The following CLSPN variants were observed in gnomAD, a reference collection of about 807,000 sequenced individuals.
CLSPN encodes the protein claspin.
CLSPN carries 85 observed loss-of-function variants against 156.3 expected under a neutral mutation model. The ratio of observed to expected loss-of-function variants is 0.54; its 90% CI spans 0.46 to 0.65. The LOEUF (loss-of-function observed/expected upper bound fraction) is 0.65. Among genes scored for constraint, CLSPN ranks in the 30% least tolerant of loss-of-function variants. The pLI is 0.00. For missense variants in CLSPN, 1,407 were observed against 1,554.9 expected (o/e 0.90, Z 1.60); for synonymous variants, 534 against 542.4 (o/e 0.98, Z 0.22).
chr1:35,743,384 G>A (rs1196806218), intron 17 of CLSPN, 71 bp downstream of exon 17: 3 of 1,437,910 alleles, frequency 2.1e-6, no homozygotes, highest in Non-Finnish European at 2.9e-6. Flanking sequence ...CAAGAACTGA[G>A]GGGAAAAAAA....
intron 8 of CLSPN, among the ~76,000 whole-genome samples, chr1:35,755,500 T>C (rs879389427): frequency 7.2e-5 from 11 of 152,240 alleles, no homozygotes; most frequent in Admixed American, 7.2e-4. Flanking sequence ...CTTGAACTCC[T>C]GATCTCAGAT....
rs1248052899 is a variant in CLSPN, at chr1:35,769,905, A to G, written c.-35T>C. ...CTCCCCTGCGCTCCACTAGGGACGG[A>G]GCTGTCTCTGATTCCCTCAGCCGGA... is the stretch of plus-strand genomic sequence containing the variant. On this transcript the variant is annotated 5_prime_UTR_variant, in exon 1 of 25. Coordinates refer to ENST00000318121, the MANE Select transcript of CLSPN (RefSeq NM_022111.4). 5.6e-6 allele frequency: 9 copies of G among 1,606,712 alleles called. No homozygotes were observed. The highest frequency in any genetic ancestry group is 7.7e-6 in the Non-Finnish European group (9 of 1,176,322).
chr1:35,727,647 G>C (rs1641225530), downstream of CLSPN, among the ~76,000 whole-genome samples: 2 of 152,318 alleles, frequency 1.3e-5, no homozygotes, highest in South Asian at 2.1e-4. Context: ...GAAACGGTGA[G>C]GGGGGCCTTA....
chr1:35,737,754 C>A, intron 22 of CLSPN: 1 of 451,690 alleles, frequency 2.2e-6, no homozygotes. Flanking sequence ...ATTAACTACT[C>A]TGAGCCTTAG....
intron 6 of CLSPN, 95 bp from the exon 7 acceptor site, chr1:35,761,299 A>G: frequency 1.3e-6 from 1 of 780,404 alleles, no homozygotes. Context: ...CAAAGCCATC[A>G]CTAGAAATAG....
chr1:35,743,092 A>T (rs1259410916), intron 18 of CLSPN, 49 bp downstream of exon 18: 17 of 1,479,608 alleles, frequency 1.1e-5, no homozygotes, highest in Non-Finnish European at 1.6e-5. Flanking sequence ...TGGCCTAGTG[A>T]CCAAATTTTA....
At chr1:35,726,562 C>T (rs1454202328) in intron 24 of CLSPN, among the ~76,000 whole-genome samples, 1 of 152,146 alleles carries the variant, frequency 6.6e-6, no homozygotes, top group African/African-American at 2.4e-5. Context: ...TGTCATGTCA[C>T]CAGGGCCAGA....
Position 35,753,834 on chromosome 1 carries a change from C to A in CLSPN, c.1682G>T (p.Gly561Val). 6.2e-7 allele frequency: 1 copy of A among 1,614,136 alleles called. No individual in the cohort carries two copies. Residue 561 changes from glycine to valine, a missense_variant, in exon 9 of 25, where the codon GGC becomes GTC. Physicochemically the swap from Gly to Val is moderately radical, Grantham distance 109. Around this residue, in one of 3 missense-constraint regions of CLSPN, gnomAD observed 1,096 missense variants for 1,193.0 expected, o/e 0.92. Coordinates refer to ENST00000318121, the MANE Select transcript of CLSPN (RefSeq NM_022111.4). ...VNVNVIVKDM[G>V]TDGKEELKAD... ...TTTTAGCTCTTCCTTTCCATCAGTG[C>A]CCATGTCTTTCACTATGACGTTCAC...
At chr1:35,737,112 G>T (rs374015875) in intron 23 of CLSPN, 37 bp from the exon 24 acceptor site, 2 of 1,599,606 alleles carry the variant, frequency 1.3e-6, no homozygotes, top group Non-Finnish European at 1.7e-6. Flanking sequence ...CAAATCCCAA[G>T]TGCCAACTAA....
chr1:35,720,376 T>C (rs1641044377), exon 25 of CLSPN: 2 of 151,664 alleles, frequency 1.3e-5, no homozygotes, highest in African/African-American at 4.9e-5. Context: ...GTGGCCTAAG[T>C]CTTCTCCCTT....
chr1:35,735,011 C>G lies in CLSPN; in HGVS notation c.*1485G>C. 1 of 985,392 alleles carries G rather than the reference C, an allele frequency of 1.0e-6. No individual in the cohort carries two copies. The highest frequency in any genetic ancestry group is 1.2e-6 in the Non-Finnish European group (1 of 829,906). The allele number at this position is 985,392 out of a possible 1,614,324, so 61.0% of individuals were successfully genotyped here. A position where few individuals can be genotyped will look rare whatever the true frequency, so the allele number is the denominator to read the frequency against. On this transcript the variant is annotated 3_prime_UTR_variant, in exon 25 of 25. Transcript: ENST00000318121. ...TTATTAAATTCCATGGTGGCCTTCT[C>G]TCAAAATTAGTAATGAAATGCTGAA...
Position 35,746,841 on chromosome 1 carries a change from GA to G in CLSPN, c.2778del (p.Leu927TyrfsTer15). 1 of 1,614,022 alleles carries G rather than the reference GA, an allele frequency of 6.2e-7. No individual in the cohort carries two copies. The highest frequency in any genetic ancestry group is 8.5e-7 in the Non-Finnish European group (1 of 1,179,898). On this transcript the variant is annotated frameshift_variant, in exon 15 of 25. Coordinates refer to ENST00000318121, the MANE Select transcript of CLSPN (RefSeq NM_022111.4). LOFTEE classifies it high-confidence loss of function. The surrounding 1 kb of genome is among the most constrained non-coding windows in gnomAD (Gnocchi z 4.2). Reference sequence around the variant, plus strand: ...TCTTTCTTGTCACTCTTCCTGGGTAGATGTTTTTCAGCCTGAGATGTGAACT... The same window carrying G: ...TCTTTCTTGTCACTCTTCCTGGGTAGTGTTTTTCAGCCTGAGATGTGAACT... Reference protein sequence around the residue: ...TGKFTSQAEKHLPRKSDKKEN... With the variant: ...TGKFTSQAEKXLPRKSDKKEN...
At chr1:35,756,049 T>C (rs1642261946) in intron 8 of CLSPN, among the ~76,000 whole-genome samples, 1 of 152,138 alleles carries the variant, frequency 6.6e-6, no homozygotes, top group Non-Finnish European at 1.5e-5. Flanking sequence ...GTGACTAGCA[T>C]CTAGATGTGT....
chr1:35,751,191 T>C, intron 10 of CLSPN, 59 bp downstream of exon 10: 1 of 1,558,224 alleles, frequency 6.4e-7, no homozygotes, highest in South Asian at 1.2e-5. Flanking sequence ...TTTTCAAGTC[T>C]GACTTTTTCT....
intron 9 of CLSPN, 88 bp downstream of exon 9, chr1:35,753,657 A>C: frequency 7.8e-7 from 1 of 1,286,900 alleles, no homozygotes; most frequent in South Asian, 1.3e-5. Flanking sequence ...AGATTCTATA[A>C]CTTTTCATTA....
chr1:35,762,334 T>C, intron 5 of CLSPN, 70 bp downstream of exon 5: 1 of 1,307,052 alleles, frequency 7.7e-7, no homozygotes, highest in Non-Finnish European at 1.1e-6. Context: ...ATAAAATATT[T>C]ATCCCTAAGA....
At position 35,743,543 on chromosome 1, in the gene CLSPN, T is replaced by C. The variant is rs1169320580; in HGVS notation, c.2967-13A>G. ...GTCTTCCTCTTCCCTAAAATGTAAA[T>C]CAATGAATCAATAAATAAGTTGTTG... is the stretch of plus-strand genomic sequence containing the variant. On this transcript the variant is annotated splice_polypyrimidine_tract_variant and intron_variant, in intron 16 of 24. Coordinates refer to ENST00000318121, the MANE Select transcript of CLSPN (RefSeq NM_022111.4). 2 of 1,600,132 alleles carry C rather than the reference T, an allele frequency of 1.2e-6. No individual in the cohort carries two copies.
In CLSPN at chr1:35,764,685, T is replaced by G; in HGVS notation, c.163A>C (p.Lys55Gln). Residue 55 changes from lysine (K) to glutamine (Q), a missense_variant, in exon 3 of 25, where the codon AAG becomes CAG. By Grantham distance (53) the Lys-to-Gln change is moderately conservative. Around this residue, in one of 3 missense-constraint regions of CLSPN, gnomAD observed 1,096 missense variants for 1,193.0 expected, o/e 0.92. Transcript: ENST00000318121. ...DSDEEIFVSKKLKNRKVLQDS... is the reference protein window; with the variant it reads ...DSDEEIFVSKQLKNRKVLQDS... ...TGTAGAACCTTCCTGTTTTTCAACT[T>G]CTTACTTACAAATATCTCTTCATCT... 6.3e-7 allele frequency: 1 copy of G among 1,581,524 alleles called. No individual in the cohort carries two copies.
Position 35,763,178 on chromosome 1 carries a change from G to T in CLSPN, c.726C>A (p.Asn242Lys). 1 of 1,577,868 alleles carries T rather than the reference G, an allele frequency of 6.3e-7. No homozygotes were observed. Among genetic ancestry groups the T allele is most frequent in the Non-Finnish European group, 8.6e-7 (1 of 1,166,614 alleles). The change falls in exon 4 of 25, where the codon AAC (asparagine) becomes AAA (lysine). Residue 242 changes from asparagine (N) to lysine (K), a missense_variant. Around this residue, in one of 3 missense-constraint regions of CLSPN, gnomAD observed 1,096 missense variants for 1,193.0 expected, o/e 0.92. Transcript: ENST00000318121. ...TACTTGCCTTGTGCTTTTTTACTTT[G>T]TTTTTTACAGCTGCTCTTATTGATT... ...SLESIRAAVK[N>K]KVKKHKKKEP... is the part of the protein sequence containing the mutation.
Sources: allele counts gnomAD v4.1 joint callset (sites outside exome capture counted in the v4.1 genomes callset), GRCh38; gene constraint gnomAD v4.1.1; regional missense constraint gnomAD v4.1.1; non-coding constraint Gnocchi (gnomAD v3.1); transcripts MANE v1.5; gene names NCBI Gene and HGNC (gene_info 2026-07-23, HGNC 2026-07-21).